Variants in CYRIB observed in about 807,000 individuals in gnomAD.
CYRIB encodes the protein CYFIP-related Rac1 interactor B.
Under a neutral mutation model 44.2 loss-of-function variants are expected in CYRIB, and 8 were observed. The observed-to-expected ratio is 0.18, with a 90% CI of 0.11 to 0.33. The LOEUF (loss-of-function observed/expected upper bound fraction) is 0.33. Among genes scored for constraint, CYRIB ranks in the 10% least tolerant of loss-of-function variants. CYRIB has a pLI of 1.00. For synonymous variants in CYRIB, 131 were observed against 127.2 expected (o/e 1.03, Z -0.20); for missense variants, 185 against 382.8 (o/e 0.48, Z 4.31).
rs2096168635 is a variant in CYRIB at position 129,980,267 on chromosome 8, G to GCTGTAGTA, written c.-295-9280_-295-9273dup. ...AAAAAGAAAAGAAAAAAGAAAAAAA[G>GCTGTAGTA]CTGTAGTACTTGCAGCTCTATGTCC... On this transcript the variant is annotated intron_variant, in intron 1 of 14. Coordinates refer to the CYRIB transcript ENST00000401979. Among the ~76,000 whole-genome samples, 6 of 149,798 alleles carry GCTGTAGTA rather than the reference G, an allele frequency of 4.0e-5. 1 individual carries two copies. In the South Asian group the frequency reaches 1.3e-3, roughly 32 times the overall value.
At chr8:129,841,418 T>C (rs928856289) in exon 12 of CYRIB, 1 of 152,482 alleles carries the variant, frequency 6.6e-6, no homozygotes, top group Non-Finnish European at 1.5e-5. Context: ...AAAACATACA[T>C]GGGGAAAACT....
chr8:130,007,772 G>A (rs1258107962), intron 1 of CYRIB, among the ~76,000 whole-genome samples: 1 of 150,230 alleles, frequency 6.7e-6, no homozygotes, highest in Non-Finnish European at 1.5e-5. Flanking sequence ...CAACAAGAGC[G>A]AAACTCCATC....
intron 2 of CYRIB, among the ~76,000 whole-genome samples, chr8:129,898,326 G>A (rs2069343435): frequency 6.6e-6 from 1 of 151,926 alleles, no homozygotes; most frequent in African/African-American, 2.4e-5. Context: ...GTTCCTAAAA[G>A]AAATTAGTAC....
At chr8:129,901,616 T>C (rs2072032955) in intron 2 of CYRIB, 1 of 152,208 alleles carries the variant, frequency 6.6e-6, no homozygotes, top group Non-Finnish European at 1.5e-5. Context: ...GTTCTTAATA[T>C]GGGGAGTCCA....
chr8:129,958,893 C>T (rs1296236205), intron 2 of CYRIB, among the ~76,000 whole-genome samples: 2 of 151,506 alleles, frequency 1.3e-5, no homozygotes, highest in African/African-American at 2.4e-5. Context: ...GTGAAACCCC[C>T]GTCTCTACTA....
chr8:129,973,473 AG>A (rs907922017), intron 1 of CYRIB, among the ~76,000 whole-genome samples: 1 of 152,206 alleles, frequency 6.6e-6, no homozygotes, highest in African/African-American at 2.4e-5. Flanking sequence ...GGTCCCTCCC[AG>A]CCCTCAAGGC....
chr8:129,867,116 G>GTC lies in CYRIB; in HGVS notation c.195+4257_195+4258dup, dbSNP rs1181977645. Among the ~76,000 whole-genome samples the GTC allele has an allele frequency of 2.7e-4, 41 of 152,248 alleles. No homozygotes were observed. The South Asian group carries it at 4.8e-3, about 18-fold the overall frequency. On this transcript the variant is annotated intron_variant, in intron 4 of 11. Coordinates refer to ENST00000519824, the Ensembl canonical transcript of CYRIB. The stretch of plus-strand genomic sequence containing the variant: ...CCAGTCTCGGCAACACAGCAAGTCT[G>GTC]TCTCTCTGTCTCTATTGATTTATTT...
chr8:129,852,019 T>C, intron 8 of CYRIB, 143 bp downstream of exon 10: 1 of 443,712 alleles, frequency 2.3e-6, no homozygotes. Flanking sequence ...CATGTGGGCC[T>C]CAGAAAAAAG....
At chr8:129,917,938 T>C (rs2081568389) in intron 1 of CYRIB, among the ~76,000 whole-genome samples, 1 of 152,242 alleles carries the variant, frequency 6.6e-6, no homozygotes, top group African/African-American at 2.4e-5. Flanking sequence ...ACTTCAGTTG[T>C]AGTTTTATTA....
At chr8:129,966,975 A>G (rs10088317) in intron 2 of CYRIB, among the ~76,000 whole-genome samples, 7,067 of 152,284 alleles carry the variant, frequency 0.046, 168 homozygotes, top group Middle Eastern at 0.068. Flanking sequence ...GATTGCAGGC[A>G]TAAGCCACCA....
chr8:129,853,648 T>C (rs147194940), intron 7 of CYRIB, among the ~76,000 whole-genome samples: 2 of 152,330 alleles, frequency 1.3e-5, no homozygotes, highest in East Asian at 3.9e-4. Context: ...TGGTATTTAG[T>C]TCCTTGGAGG....
chr8:129,936,507 G>A (rs149072643), intron 1 of CYRIB, among the ~76,000 whole-genome samples: 2,216 of 152,218 alleles, frequency 0.015, 52 homozygotes, highest in African/African-American at 0.05. Context: ...GAACATTTAT[G>A]TATAATTGTA....
chr8:129,857,082 A>G (rs1218772441), intron 5 of CYRIB, among the ~76,000 whole-genome samples: 3 of 152,236 alleles, frequency 2.0e-5, no homozygotes, highest in African/African-American at 7.2e-5. Flanking sequence ...TCCATGTAAT[A>G]ACTCTAAATG....
At chr8:129,862,748 A>G (rs956416536) in intron 4 of CYRIB, among the ~76,000 whole-genome samples, 2 of 152,236 alleles carry the variant, frequency 1.3e-5, no homozygotes, top group Admixed American at 1.3e-4. Context: ...CTGGGATTAT[A>G]GGCGTGAGCC....
chr8:129,979,169 T>A (rs192304951), intron 1 of CYRIB, among the ~76,000 whole-genome samples: 6 of 151,770 alleles, frequency 4.0e-5, no homozygotes, highest in East Asian at 1.9e-4. Context: ...AATTAATTAA[T>A]TAAATAAATA....
chr8:129,883,064 T>G (rs1446727116), intron 2 of CYRIB, among the ~76,000 whole-genome samples: 1 of 116,726 alleles, frequency 8.6e-6, no homozygotes, highest in African/African-American at 3.4e-5. Flanking sequence ...GGAGCCAAGA[T>G]CACGCCACTG....
chr8:129,965,627 T>C (rs1395315913), intron 2 of CYRIB, among the ~76,000 whole-genome samples: 1 of 151,734 alleles, frequency 6.6e-6, no homozygotes, highest in Non-Finnish European at 1.5e-5. Context: ...AAACCCTGTC[T>C]CTACTAAAAA....
chr8:129,849,947 C>T (rs2042368316), intron 9 of CYRIB: 1 of 152,218 alleles, frequency 6.6e-6, no homozygotes, highest in Non-Finnish European at 1.5e-5. Context: ...ATCATATTCT[C>T]CTCTCATTTG....
intron 6 of CYRIB, 82 bp downstream of exon 8, chr8:129,855,529 C>A: frequency 7.1e-7 from 1 of 1,406,198 alleles, no homozygotes; most frequent in Non-Finnish European, 9.9e-7. Flanking sequence ...TACATTTTAA[C>A]AATGTTTCCC....
Sources: gnomAD v4.1 joint callset for allele counts (sites outside exome capture counted in the v4.1 genomes callset) on GRCh38, gnomAD v4.1.1 for gene constraint, MANE v1.5 for transcripts, NCBI Gene and HGNC (gene_info 2026-07-23, HGNC 2026-07-21) for gene names.